PLEKHA8: variants seen among roughly 807,000 people sequenced by gnomAD.
The protein encoded by PLEKHA8 is pleckstrin homology domain containing A8.
A neutral mutation model predicts 68.2 loss-of-function variants in PLEKHA8; 36 were observed. The ratio of observed to expected loss-of-function variants is 0.53; its 90% confidence interval spans 0.40 to 0.70. The LOEUF (loss-of-function observed/expected upper bound fraction) is 0.70. Ranked by LOEUF, PLEKHA8 falls within the 30% of genes least tolerant of loss-of-function variation. PLEKHA8 has a pLI of 0.00. For missense variants in PLEKHA8, 505 were observed against 615.4 expected (o/e 0.82, Z 1.90); for synonymous variants, 211 against 216.1 (o/e 0.98, Z 0.20).
chr7:30,115,855 C>T (rs188553438), intron 13 of PLEKHA8: 1 of 149,462 alleles, frequency 6.7e-6, no homozygotes, highest in Non-Finnish European at 1.5e-5. Flanking sequence ...CGTATGCATA[C>T]ATACGTGCAC....
chr7:30,062,747 G>T lies in PLEKHA8; in HGVS notation c.1300+5G>T. 1 of 1,608,924 alleles carries T rather than the reference G, an allele frequency of 6.2e-7. No homozygotes were observed. The highest frequency in any genetic ancestry group is 8.5e-7 in the Non-Finnish European group (1 of 1,175,524). On this transcript the variant is annotated splice_donor_5th_base_variant and intron_variant, in intron 12 of 13. Coordinates refer to ENST00000449726, the MANE Select transcript of PLEKHA8 (RefSeq NM_001197026.2). Reference sequence around the variant, plus strand: ...AGGATATCCAGACAGCCCTAAGTAAGTGTTCTTTATGTTTTGTTGAATGAG... The same window carrying T: ...AGGATATCCAGACAGCCCTAAGTAATTGTTCTTTATGTTTTGTTGAATGAG...
downstream of PLEKHA8, among the ~76,000 whole-genome samples, chr7:30,088,431 T>A (rs1795265563): frequency 6.6e-6 from 1 of 152,042 alleles, no homozygotes; most frequent in East Asian, 1.9e-4. Context: ...CCCAGACCAC[T>A]AAAATCAGGC....
chr7:30,097,698 C>G (rs1434192611), intron 13 of PLEKHA8, among the ~76,000 whole-genome samples: 3 of 152,286 alleles, frequency 2.0e-5, no homozygotes, highest in African/African-American at 4.8e-5. Flanking sequence ...AAGGACTTCT[C>G]TGCATTGATT....
chr7:30,067,660 ATATATT>A (rs56397203), intron 12 of PLEKHA8, among the ~76,000 whole-genome samples: 2,923 of 152,224 alleles, frequency 0.019, 42 homozygotes, highest in East Asian at 0.04. Context: ...TGCTTTTGCT[ATATATT>A]TATGTGTCCA....
chr7:30,124,156 G>A (rs868201123), intron 13 of PLEKHA8, among the ~76,000 whole-genome samples: 1 of 152,180 alleles, frequency 6.6e-6, no homozygotes, highest in South Asian at 2.1e-4. Context: ...TAAAGCAGTA[G>A]ATGGGCTTTT....
intron 13 of PLEKHA8, chr7:30,115,956 A>G (rs1205513646): frequency 4.7e-5 from 7 of 148,250 alleles, no homozygotes; most frequent in African/African-American, 1.2e-4. Flanking sequence ...ATACGCATAC[A>G]TGCATGCATA....
intron 13 of PLEKHA8, chr7:30,115,837 T>C (rs527667526): frequency 2.0e-5 from 3 of 147,362 alleles, no homozygotes; most frequent in East Asian, 4.0e-4. Context: ...TGCACATACA[T>C]GTATACACGT....
downstream of PLEKHA8, among the ~76,000 whole-genome samples, chr7:30,095,015 A>C (rs1326846664): frequency 6.6e-6 from 1 of 152,180 alleles, no homozygotes; most frequent in Admixed American, 6.5e-5. Flanking sequence ...TAGCAGCATG[A>C]TTTATAATCC....
intron 5 of PLEKHA8, 66 bp from the exon 6 acceptor site, chr7:30,050,368 A>G (rs1454357657): frequency 6.6e-6 from 10 of 1,509,004 alleles, no homozygotes; most frequent in Non-Finnish European, 8.0e-6. Context: ...TGTATGTAAT[A>G]AGATCATAAA....
At chr7:30,070,223 CCTT>C (rs1265349536) in intron 12 of PLEKHA8, among the ~76,000 whole-genome samples, 1 of 152,026 alleles carries the variant, frequency 6.6e-6, no homozygotes, top group East Asian at 1.9e-4. Flanking sequence ...TTTTGACACA[CCTT>C]CTCCCATTAG....
chr7:30,082,910 GTCCTACAAGAA>G lies in PLEKHA8; in HGVS notation c.*4124_*4134del, dbSNP rs1271475661. 9.1e-6 allele frequency: 9 copies of G among 985,258 alleles called. No homozygotes were observed. In the African/African-American group the frequency reaches 1.6e-4, roughly 17 times the overall value. The allele number at this position is 985,258 out of a possible 1,614,324, so 61.0% of individuals were successfully genotyped here. A position where few individuals can be genotyped will look rare whatever the true frequency, so the allele number is the denominator to read the frequency against. On this transcript the variant is annotated 3_prime_UTR_variant, in exon 14 of 14. Transcript: ENST00000449726. ...AGTTTTTTTCCTAGCAAACTACCAT[GTCCTACAAGAA>G]CTTGGTTATATAATGGTGCGTCTCT...
chr7:30,062,520 A>C, intron 11 of PLEKHA8, 152 bp from the exon 12 acceptor site: 1 of 648,688 alleles, frequency 1.5e-6, no homozygotes, highest in Non-Finnish European at 2.8e-6. Flanking sequence ...AAGTGAAGGG[A>C]AGAGGTTCAG....
Position 30,083,758 on chromosome 7 carries a change from G to T in PLEKHA8, c.*4971G>T, listed in dbSNP as rs1324870162. On this transcript the variant is annotated 3_prime_UTR_variant, in exon 14 of 14. Transcript: ENST00000449726. ...TCAGCTAAGCTATGTGAGAATGTAA[G>T]AATAATATCCTGCTTGTTCTAAATA... The T allele has an allele frequency of 2.0e-6, 2 of 985,032 alleles. No individual in the cohort carries two copies. Among genetic ancestry groups the T allele is most frequent in the Admixed American group, 1.2e-4 (2 of 16,250 alleles). 61.0% of individuals were successfully genotyped at this position (985,032 alleles called of 1,614,324 possible). A position where few individuals can be genotyped will look rare whatever the true frequency, so the allele number is the denominator to read the frequency against.
intron 13 of PLEKHA8, chr7:30,118,153 C>T (rs1214040844): frequency 1.3e-5 from 9 of 719,346 alleles, no homozygotes; most frequent in African/African-American, 5.5e-5. Flanking sequence ...CAGCAAGCCC[C>T]GAGATGCCTC....
chr7:30,100,976 G>A (rs1427198120), intron 13 of PLEKHA8, among the ~76,000 whole-genome samples: 1 of 152,082 alleles, frequency 6.6e-6, no homozygotes, highest in Non-Finnish European at 1.5e-5. Flanking sequence ...GATCACCTGA[G>A]GTCAGGAGTT....
At position 30,115,865 on chromosome 7, in the gene PLEKHA8, C is replaced by T. The variant is rs1470169853; in HGVS notation, c.1363-13401C>T. 6 of 150,114 alleles carry T rather than the reference C, an allele frequency of 4.0e-5. No homozygotes were observed. The East Asian group carries it at 5.9e-4, about 15-fold the overall frequency. The allele number at this position is 150,114 out of a possible 1,614,324, so 9.3% of individuals were successfully genotyped here. A position where few individuals can be genotyped will look rare whatever the true frequency, so the allele number is the denominator to read the frequency against. ...ATACACGTATGCATACATACGTGCACATACATGTAGGCACGCATACATGCG... is the reference window on the plus strand; with the variant it reads ...ATACACGTATGCATACATACGTGCATATACATGTAGGCACGCATACATGCG... On this transcript the variant is annotated intron_variant, in intron 13 of 13. Transcript: ENST00000396257.
chr7:30,040,471 G>C (rs1378993207), intron 1 of PLEKHA8, among the ~76,000 whole-genome samples: 1 of 152,160 alleles, frequency 6.6e-6, no homozygotes, highest in Non-Finnish European at 1.5e-5. Flanking sequence ...CCCAGCAAAA[G>C]TCCCAGAATT....
intron 9 of PLEKHA8, among the ~76,000 whole-genome samples, chr7:30,056,312 C>CTCTCTATATATATATATA (rs796845171): frequency 1.4e-4 from 13 of 94,552 alleles, no homozygotes; most frequent in African/African-American, 3.9e-4. Context: ...CTCTCTCTCT[C>CTCTCTATATATATATATA]TATATATATA....
chr7:30,062,371 C>A lies in PLEKHA8; in HGVS notation c.1230-301C>A, dbSNP rs183479914. ...GGAAACAGTTTCTGATTCAGTAACTCGGGTGGGGCCCCAGAATTTGCATTT... is the reference window on the plus strand; with the variant it reads ...GGAAACAGTTTCTGATTCAGTAACTAGGGTGGGGCCCCAGAATTTGCATTT... On this transcript the variant is annotated intron_variant, in intron 11 of 13. Coordinates refer to ENST00000449726, the MANE Select transcript of PLEKHA8 (RefSeq NM_001197026.2). 3.6e-4 allele frequency among the ~76,000 whole-genome samples: 55 copies of A among 152,268 alleles called. 1 individual carries two copies. The highest frequency in any genetic ancestry group is 3.4e-3 in the Middle Eastern group (1 of 294).
Sources: gnomAD v4.1 joint callset for allele counts (sites outside exome capture counted in the v4.1 genomes callset) on GRCh38, gnomAD v4.1.1 for gene constraint, MANE v1.5 for transcripts, NCBI Gene and HGNC (gene_info 2026-07-23, HGNC 2026-07-21) for gene names.